OCA2: variants seen among roughly 807,000 people sequenced by gnomAD.
The protein encoded by OCA2 is P protein.
A neutral mutation model predicts 100.2 loss-of-function variants in OCA2; 77 were observed. That is an observed-to-expected ratio of 0.77 (90% CI 0.64 to 0.93). The LOEUF (loss-of-function observed/expected upper bound fraction) is 0.93, where lower values mean the gene tolerates loss of function less well. OCA2 is among the 40% of genes least tolerant of loss of function. OCA2 has a pLI of 0.00. For synonymous variants in OCA2, 432 were observed against 439.2 expected (o/e 0.98, Z 0.21); for missense variants, 1,062 against 1,089.1 (o/e 0.98, Z 0.35).
chr15:27,752,762 T>C (rs1280308697), downstream of OCA2, among the ~76,000 whole-genome samples: 4 of 119,324 alleles, frequency 3.4e-5, no homozygotes. Context: ...CCAGTCCCTC[T>C]GGACACAGCT....
intron 18 of OCA2, among the ~76,000 whole-genome samples, chr15:27,939,536 T>C (rs2039573294): frequency 6.6e-6 from 1 of 152,264 alleles, no homozygotes; most frequent in Admixed American, 6.5e-5. Flanking sequence ...CACCTTTTCA[T>C]ATGCTCATTT....
At chr15:27,880,332 T>A (rs191540721) in intron 19 of OCA2, among the ~76,000 whole-genome samples, 1 of 152,198 alleles carries the variant, frequency 6.6e-6, no homozygotes, top group African/African-American at 2.4e-5. Context: ...CTTGGCTATA[T>A]GCACTCGTTT....
intron 23 of OCA2, among the ~76,000 whole-genome samples, chr15:27,761,934 C>T (rs1055303262): frequency 1.3e-5 from 2 of 152,220 alleles, no homozygotes; most frequent in Non-Finnish European, 2.9e-5. Flanking sequence ...AAGGGATGCT[C>T]TTGCCTTAGC....
At position 28,063,106 on chromosome 15, in the gene OCA2, G is replaced by T. The variant is rs2043924353; in HGVS notation, c.227+18542C>A. On this transcript the variant is annotated intron_variant, in intron 2 of 23. Transcript: ENST00000354638. ...AATGTAGATTAATTTGGGTAGTAAT[G>T]CCATTTAACAATAGTAAGTATATCT... is the stretch of plus-strand genomic sequence containing the variant. Among the ~76,000 whole-genome samples, 5 of 152,144 alleles carry T rather than the reference G, an allele frequency of 3.3e-5. No individual in the cohort carries two copies. The South Asian group carries it at 1.0e-3, about 31-fold the overall frequency.
At chr15:27,996,343 T>C (rs1455381831) in intron 9 of OCA2, among the ~76,000 whole-genome samples, 2 of 152,112 alleles carry the variant, frequency 1.3e-5, no homozygotes, top group South Asian at 4.2e-4. Context: ...CCCATACATA[T>C]ATACAATTTT....
chr15:27,868,444 T>A (rs573243277), intron 21 of OCA2, among the ~76,000 whole-genome samples: 1 of 152,324 alleles, frequency 6.6e-6, no homozygotes, highest in South Asian at 2.1e-4. Context: ...GACGGCATTA[T>A]GCTATGTGAG....
intron 23 of OCA2, among the ~76,000 whole-genome samples, chr15:27,839,259 T>G (rs527858967): frequency 2.7e-4 from 41 of 152,002 alleles, no homozygotes; most frequent in African/African-American, 8.4e-4. Flanking sequence ...TCTTTCAAAT[T>G]GCAAAGAAAC....
At chr15:28,040,032 A>C (rs1595867112) in intron 2 of OCA2, among the ~76,000 whole-genome samples, 1 of 84,538 alleles carries the variant, frequency 1.2e-5, no homozygotes, top group Admixed American at 1.3e-4. Context: ...ACTCCATCTC[A>C]AAAAAAAAAA....
intron 15 of OCA2, among the ~76,000 whole-genome samples, chr15:27,961,853 C>T (rs779106560): frequency 9.9e-5 from 15 of 152,076 alleles, no homozygotes; most frequent in Non-Finnish European, 2.2e-4. Flanking sequence ...GTGCAGATGA[C>T]AGGTTCATGG....
intron 23 of OCA2, among the ~76,000 whole-genome samples, chr15:27,803,027 G>A (rs981880979): frequency 2.0e-5 from 3 of 152,144 alleles, no homozygotes; most frequent in Non-Finnish European, 2.9e-5. Flanking sequence ...TAAAGGATTT[G>A]CATCTAGAGC....
At position 27,755,477 on chromosome 15, in the gene OCA2, AAT is replaced by A; in HGVS notation, c.2433-7_2433-6del. The A allele has an allele frequency of 6.2e-7, 1 of 1,610,718 alleles. No individual in the cohort carries two copies. Among genetic ancestry groups the A allele is most frequent in the Non-Finnish European group, 8.5e-7 (1 of 1,176,890 alleles). On this transcript the variant is annotated splice_region_variant and splice_polypyrimidine_tract_variant and intron_variant, in intron 23 of 23. Coordinates refer to ENST00000354638, the MANE Select transcript of OCA2 (RefSeq NM_000275.3). ...ACCATCATTGGGAAGCCCAGCCTGA[AAT>A]ACAAAGAGAAATGAGTTATGGCATC...
At position 27,994,153 on chromosome 15, in the gene OCA2, G is replaced by T. The variant is rs2041646343; in HGVS notation, c.1045-3506C>A. ...ACAGTGGGAGGTGAGCTGGGCAAGT[G>T]AACATGACCGCCTGGGCTCTGCCTC... On this transcript the variant is annotated intron_variant, in intron 9 of 23. Coordinates refer to ENST00000354638, the MANE Select transcript of OCA2 (RefSeq NM_000275.3). Among the ~76,000 whole-genome samples, 3 of 152,170 alleles carry T rather than the reference G, an allele frequency of 2.0e-5. 1 individual carries two copies. The South Asian group carries it at 6.2e-4, about 32-fold the overall frequency.
At position 27,897,162 on chromosome 15, in the gene OCA2, C is replaced by A. The variant is rs148380342; in HGVS notation, c.2080-25240G>T. ...ACGAGACGGTGCCACTACACCCTAGCCTGGGCGACAGAGCAAGACTCCGTC... is the reference window on the plus strand; with the variant it reads ...ACGAGACGGTGCCACTACACCCTAGACTGGGCGACAGAGCAAGACTCCGTC... On this transcript the variant is annotated intron_variant, in intron 19 of 23. Transcript: ENST00000354638. Among the ~76,000 whole-genome samples the A allele has an allele frequency of 1.6e-3, 237 of 150,322 alleles. 5 individuals carry two copies. The East Asian group carries it at 0.038, about 24-fold the overall frequency.
intron 19 of OCA2, among the ~76,000 whole-genome samples, chr15:27,924,826 T>C (rs1456297697): frequency 6.6e-6 from 1 of 152,034 alleles, no homozygotes; most frequent in East Asian, 1.9e-4. Flanking sequence ...TATGAATAAG[T>C]ATTAAATGGG....
chr15:27,936,252 A>C (rs993279954), intron 18 of OCA2, among the ~76,000 whole-genome samples: 2 of 147,628 alleles, frequency 1.4e-5, no homozygotes, highest in African/African-American at 4.8e-5. Context: ...CCCACTCCAC[A>C]GTTGGGTGGG....
chr15:27,951,057 A>T (rs1336582218), intron 18 of OCA2, among the ~76,000 whole-genome samples: 8 of 152,182 alleles, frequency 5.3e-5, no homozygotes. Context: ...CAATAAGGAT[A>T]CCAATGGAGA....
At chr15:27,783,431 A>T (rs1053332655) in intron 23 of OCA2, among the ~76,000 whole-genome samples, 3 of 152,106 alleles carry the variant, frequency 2.0e-5, no homozygotes, top group Non-Finnish European at 4.4e-5. Flanking sequence ...ATTTTGTAAT[A>T]AAAAAAAGTC....
At chr15:28,026,452 G>A (rs1207052457) in intron 4 of OCA2, among the ~76,000 whole-genome samples, 1 of 152,128 alleles carries the variant, frequency 6.6e-6, no homozygotes, top group Non-Finnish European at 1.5e-5. Context: ...TCTCATAGCG[G>A]ATTCATTGGC....
At chr15:28,060,749 T>G in intron 2 of OCA2, among the ~76,000 whole-genome samples, 1 of 152,242 alleles carries the variant, frequency 6.6e-6, no homozygotes, top group Non-Finnish European at 1.5e-5. Context: ...AGTTCTGTGC[T>G]GGGCTTGAAA....
Sources: allele counts gnomAD v4.1 joint callset (sites outside exome capture counted in the v4.1 genomes callset), GRCh38; gene constraint gnomAD v4.1.1; transcripts MANE v1.5; gene names NCBI Gene and HGNC (gene_info 2026-07-23, HGNC 2026-07-21).